G6PD: variants seen among roughly 807,000 people sequenced by gnomAD.
G6PD encodes the protein glucose-6-phosphate 1-dehydrogenase.
G6PD carries 2 observed loss-of-function variants against 38.2 expected under a neutral mutation model. The observed-to-expected ratio is 0.05, with a 90% CI of 0.02 to 0.16. The LOEUF is 0.16. Ranked by LOEUF, G6PD falls within the 10% of genes least tolerant of loss-of-function variation. The pLI, the probability that G6PD is intolerant of heterozygous loss-of-function variation, is 1.00. For missense variants in G6PD, 310 were observed against 471.6 expected, an observed-to-expected ratio of 0.66 and a Z score of 3.17; for synonymous variants, 188 against 196.0, an observed-to-expected ratio of 0.96 and a Z score of 0.34.
At chrX:154,536,990 C>A (rs1326453400) in intron 2 of G6PD, among the ~76,000 whole-genome samples, 1 of 112,582 alleles carries the variant, frequency 8.9e-6, no homozygotes, top group Non-Finnish European at 1.9e-5. Context: ...AAACAGACAA[C>A]CCCCTGGCAT....
Position 154,533,350 on chromosome X carries a change from G to A in G6PD, c.865-222C>T, listed in dbSNP as rs188061086. 19 of 497,565 alleles carry A rather than the reference G, an allele frequency of 3.8e-5. No individual in the cohort carries two copies. In the Admixed American group the frequency reaches 6.1e-4, roughly 16 times the overall value. The allele number at this position is 497,565 out of a possible 1,213,427, so 41.0% of individuals were successfully genotyped here. Reference sequence around the variant, plus strand: ...GATGAACAAGCTGAGGCCCAGAGAGGCAATGGCCTTCCCTGGTCACATAGT... The same window carrying A: ...GATGAACAAGCTGAGGCCCAGAGAGACAATGGCCTTCCCTGGTCACATAGT... On this transcript the variant is annotated intron_variant, in intron 8 of 12. Coordinates refer to ENST00000393562, the MANE Select transcript of G6PD (RefSeq NM_001360016.2).
chrX:154,534,546 G>C, intron 5 of G6PD, 50 bp from the exon 6 acceptor site: 3 of 1,195,832 alleles, frequency 2.5e-6, no homozygotes, highest in Non-Finnish European at 3.4e-6. Context: ...TCTTCGGGGA[G>C]TGAGGATCAG....
At position 154,542,121 on chromosome X, in the gene G6PD, A is replaced by C. The variant is rs2070525901; in HGVS notation, c.120+3915T>G. On this transcript the variant is annotated intron_variant, in intron 2 of 12. Transcript: ENST00000393562. ...ACCGGGGCTTTGGGGGAGTGCCAAC[A>C]TCATCATGACACAGCAAGAATCTTA... is the stretch of plus-strand genomic sequence containing the variant. 3 of 432,218 alleles carry C rather than the reference A, an allele frequency of 6.9e-6. No individual in the cohort carries two copies. The Admixed American group carries it at 1.5e-4, about 22-fold the overall frequency. 35.6% of individuals were successfully genotyped at this position (432,218 alleles called of 1,213,427 possible).
rs137852318 is a variant in G6PD, at chrX:154,533,596, C to G, written c.844G>C (p.Asp282His). The change falls in exon 8 of 13, where the codon GAT becomes CAT. Residue 282 changes from aspartate (D) to histidine (H), a missense_variant. Transcript: ENST00000393562. ...AMEKPASTNSDDVRDEKVKVL... is the reference protein window; with the variant it reads ...AMEKPASTNSHDVRDEKVKVL... ...CCTACCTTCTCATCACGGACGTCAT[C>G]TGAGTTGGTGGAGGCGGGCTTCTCC... 8.9e-4 allele frequency: 1,080 copies of G among 1,211,000 alleles called. No homozygotes were observed. Among genetic ancestry groups the G allele is most frequent in the Non-Finnish European group, 1.0e-3 (929 of 895,329 alleles).
intron 2 of G6PD, among the ~76,000 whole-genome samples, chrX:154,544,141 G>A (rs2070613993): frequency 9.1e-6 from 1 of 109,418 alleles, no homozygotes; most frequent in African/African-American, 3.3e-5. Context: ...GATTACAGAC[G>A]TGAGCCACTG....
intron 11 of G6PD, 41 bp from the exon 12 acceptor site, chrX:154,532,321 AG>A: frequency 2.5e-6 from 3 of 1,208,526 alleles, no homozygotes; most frequent in Admixed American, 2.2e-5. Flanking sequence ...GGTGGCACAC[AG>A]GGAGGGAGGG....
At chrX:154,536,702 C>T (rs1274402767) in intron 2 of G6PD, among the ~76,000 whole-genome samples, 3 of 110,590 alleles carry the variant, frequency 2.7e-5, no homozygotes, top group African/African-American at 9.9e-5. Context: ...TGGTGGCAGG[C>T]ACCTGTAATC....
chrX:154,536,295 T>G, intron 2 of G6PD, 117 bp from the exon 3 acceptor site: 1 of 683,373 alleles, frequency 1.5e-6, no homozygotes, highest in Non-Finnish European at 2.3e-6. Context: ...GCCACAAGCA[T>G]GTCTGTCTTG....
chrX:154,542,775 CTT>C (rs1377841033), intron 2 of G6PD, among the ~76,000 whole-genome samples: 1 of 111,880 alleles, frequency 8.9e-6, no homozygotes, highest in African/African-American at 3.3e-5. Context: ...TCCCGGCCCT[CTT>C]TGTGGGATCT....
At chrX:154,533,201 G>C in intron 8 of G6PD, 73 bp from the exon 9 acceptor site, 1 of 1,097,989 alleles carries the variant, frequency 9.1e-7, no homozygotes, top group Non-Finnish European at 1.3e-6. Context: ...TGTGGCCACA[G>C]ATGTGCAGCC....
intron 2 of G6PD, among the ~76,000 whole-genome samples, chrX:154,538,474 ACT>A (rs2070436647): frequency 8.9e-6 from 1 of 111,885 alleles, no homozygotes; most frequent in Non-Finnish European, 1.9e-5. Flanking sequence ...ACCTCTAAGA[ACT>A]CTCTGCCTAC....
Position 154,531,753 on chromosome X carries a change from T to G in G6PD, c.*247A>C, listed in dbSNP as rs2070337604. Reference sequence around the variant, plus strand: ...CTTCCTTCTGTTGGGCTGGAGTGAGTGGAGGAGGTGACTCAGCTCCTGGGC... The same window carrying G: ...CTTCCTTCTGTTGGGCTGGAGTGAGGGGAGGAGGTGACTCAGCTCCTGGGC... On this transcript the variant is annotated 3_prime_UTR_variant, in exon 13 of 13. Coordinates refer to ENST00000393562, the MANE Select transcript of G6PD (RefSeq NM_001360016.2). 1 of 408,544 alleles carries G rather than the reference T, an allele frequency of 2.4e-6. No individual in the cohort carries two copies. Among genetic ancestry groups the G allele is most frequent in the African/African-American group, 2.6e-5 (1 of 38,766 alleles). 33.7% of individuals were successfully genotyped at this position (408,544 alleles called of 1,213,427 possible).
intron 2 of G6PD, among the ~76,000 whole-genome samples, chrX:154,540,800 G>C (rs1264201946): frequency 3.6e-5 from 4 of 111,755 alleles, no homozygotes; most frequent in African/African-American, 1.3e-4. Context: ...GCTTCCAGGA[G>C]GGCAACTGCT....
At chrX:154,533,836 T>C in intron 7 of G6PD, 167 bp from the exon 8 acceptor site, 1 of 1,185,120 alleles carries the variant, frequency 8.4e-7, no homozygotes, top group Non-Finnish European at 1.1e-6. Flanking sequence ...ATGGTGATGC[T>C]ATCACTGAAT....
intron 2 of G6PD, among the ~76,000 whole-genome samples, chrX:154,543,872 T>A (rs1355913600): frequency 4.7e-5 from 5 of 105,609 alleles, no homozygotes; most frequent in South Asian, 4.3e-4. Context: ...TTTTGTTATT[T>A]TTTTTTTTTT....
chrX:154,540,115 G>T (rs1171175875), intron 2 of G6PD, among the ~76,000 whole-genome samples: 1 of 109,809 alleles, frequency 9.1e-6, no homozygotes, highest in East Asian at 3.0e-4. Flanking sequence ...GCTGAGGAGG[G>T]TGGATCACCT....
intron 4 of G6PD, 42 bp from the exon 5 acceptor site, chrX:154,535,427 C>T: frequency 8.9e-7 from 1 of 1,126,278 alleles, no homozygotes; most frequent in African/African-American, 1.8e-5. Flanking sequence ...AGATGTCAGC[C>T]CCTCTCTTTG....
chrX:154,532,734 G>C lies in G6PD; in HGVS notation c.1120C>G (p.His374Asp). 2.5e-6 allele frequency: 3 copies of C among 1,212,044 alleles called. No individual in the cohort carries two copies. Among genetic ancestry groups the C allele is most frequent in the Non-Finnish European group, 3.4e-6 (3 of 895,499 alleles). ...TGGAAGATGTCGCCGGCCACATCAT[G>C]GAACTGCAGCCTCACCTCGGCCTTG... ...ERKAEVRLQF[H>D]DVAGDIFHQQ... is the part of the protein sequence containing the mutation. The change falls in exon 10 of 13, where the codon CAT becomes GAT. Residue 374 changes from histidine to aspartate, a missense_variant. By Grantham distance (81) the His-to-Asp change is moderately conservative. Coordinates refer to ENST00000393562, the MANE Select transcript of G6PD (RefSeq NM_001360016.2).
At chrX:154,533,878 G>A (rs1258705595) in intron 7 of G6PD, 157 bp downstream of exon 7, 2 of 1,198,670 alleles carry the variant, frequency 1.7e-6, no homozygotes, top group African/African-American at 1.7e-5. Context: ...GCTGTGTAGG[G>A]GTCCAGCCCT....
Sources: gnomAD v4.1 joint callset for allele counts (sites outside exome capture counted in the v4.1 genomes callset) on GRCh38, gnomAD v4.1.1 for gene constraint, MANE v1.5 for transcripts, NCBI Gene and HGNC (gene_info 2026-07-23, HGNC 2026-07-21) for gene names.